NTNG1: variants seen among roughly 807,000 people sequenced by gnomAD.
The protein encoded by NTNG1 is netrin-G1.
Under a neutral mutation model 54.0 loss-of-function variants are expected in NTNG1, and 16 were observed. The observed-to-expected ratio is 0.30, with a 90% CI of 0.20 to 0.45. The LOEUF (loss-of-function observed/expected upper bound fraction) is 0.45. Among genes scored for constraint, NTNG1 ranks in the 20% least tolerant of loss-of-function variants. The pLI, the probability that NTNG1 is intolerant of heterozygous loss-of-function variation, is 1.00. For missense variants in NTNG1, 530 were observed against 678.7 expected, an observed-to-expected ratio of 0.78 and a Z score of 2.43; for synonymous variants, 255 against 263.1, an observed-to-expected ratio of 0.97 and a Z score of 0.30.
At position 107,484,834 on chromosome 1, in the gene NTNG1, A is replaced by C. The variant is rs1678934588; in HGVS notation, c.*3994A>C. On this transcript the variant is annotated 3_prime_UTR_variant, in exon 8 of 8. Transcript: ENST00000370068. Reference sequence around the variant, plus strand: ...ATTCTGAAATGGGATGCTCTGTACTATATGGGAAATGGGTTGTTGTACTTT... The same window carrying C: ...ATTCTGAAATGGGATGCTCTGTACTCTATGGGAAATGGGTTGTTGTACTTT... Among the ~76,000 whole-genome samples, 1 of 152,236 alleles carries C rather than the reference A, an allele frequency of 6.6e-6. No homozygotes were observed. Among genetic ancestry groups the C allele is most frequent in the African/African-American group, 2.4e-5 (1 of 41,458 alleles).
chr1:107,347,916 A>G (rs2101947880), intron 3 of NTNG1, among the ~76,000 whole-genome samples: 1 of 152,224 alleles, frequency 6.6e-6, no homozygotes, highest in East Asian at 1.9e-4. Flanking sequence ...AATTAGCCCC[A>G]TGATCCAATT....
At chr1:107,442,491 T>G (rs919887951) in intron 7 of NTNG1, among the ~76,000 whole-genome samples, 8 of 152,170 alleles carry the variant, frequency 5.3e-5, no homozygotes, top group African/African-American at 1.7e-4. Context: ...GAACATTATT[T>G]CAGTCCCTAC....
At chr1:107,460,299 G>A (rs78047373) in intron 7 of NTNG1, 5 of 489,362 alleles carry the variant, frequency 1.0e-5, no homozygotes, top group Admixed American at 8.5e-5. Context: ...GTCTTTAGTA[G>A]CCTCATTTAC....
At chr1:107,362,178 G>C (rs895710342) in intron 3 of NTNG1, among the ~76,000 whole-genome samples, 1 of 152,104 alleles carries the variant, frequency 6.6e-6, no homozygotes, top group South Asian at 2.1e-4. Flanking sequence ...CTCTCTCTCT[G>C]ATCAATTTTC....
In NTNG1 at chr1:107,430,880, T is replaced by G; in HGVS notation, c.1218T>G (p.Asn406Lys). ...CELCRLGYFR[N>K]ASAQLDDENV... is the part of the protein sequence containing the mutation. Reference sequence around the variant, plus strand: ...TATGCAGGCTGGGCTACTTCAGAAATGCTTCTGCACAACTGGACGATGAGA... The same window carrying G: ...TATGCAGGCTGGGCTACTTCAGAAAGGCTTCTGCACAACTGGACGATGAGA... The change falls in exon 6 of 8, where the codon AAT (asparagine) becomes AAG (lysine). Residue 406 changes from asparagine to lysine, a missense_variant. Physicochemically the swap from Asn to Lys is moderately conservative, Grantham distance 94. Transcript: ENST00000370068. 6.2e-7 allele frequency: 1 copy of G among 1,613,228 alleles called. No individual in the cohort carries two copies. The highest frequency in any genetic ancestry group is 8.5e-7 in the Non-Finnish European group (1 of 1,179,510).
chr1:107,231,457 A>G (rs1352208455), intron 2 of NTNG1, among the ~76,000 whole-genome samples: 1 of 152,178 alleles, frequency 6.6e-6, no homozygotes, highest in Admixed American at 6.5e-5. Flanking sequence ...ATACAATTCC[A>G]TGTGTCTTCT....
intron 2 of NTNG1, among the ~76,000 whole-genome samples, chr1:107,320,518 A>G (rs984126238): frequency 2.6e-5 from 4 of 152,020 alleles, no homozygotes; most frequent in Non-Finnish European, 5.9e-5. Flanking sequence ...AACAGGAATT[A>G]TTTTCATATT....
At chr1:107,149,431 T>C (rs1654392220) in intron 2 of NTNG1, among the ~76,000 whole-genome samples, 1 of 152,196 alleles carries the variant, frequency 6.6e-6, no homozygotes, top group Non-Finnish European at 1.5e-5. Flanking sequence ...ACTCCCCTTA[T>C]TGTCAAGGTC....
intron 7 of NTNG1, among the ~76,000 whole-genome samples, chr1:107,448,973 A>T (rs1263296406): frequency 6.6e-6 from 1 of 152,118 alleles, no homozygotes; most frequent in Non-Finnish European, 1.5e-5. Context: ...CAAAAGATAA[A>T]CTTCTATTGG....
intron 2 of NTNG1, among the ~76,000 whole-genome samples, chr1:107,206,112 T>A (rs1659169778): frequency 6.6e-6 from 1 of 152,116 alleles, no homozygotes; most frequent in South Asian, 2.1e-4. Flanking sequence ...TTCTATTAGG[T>A]GTATACCTTG....
intron 2 of NTNG1, among the ~76,000 whole-genome samples, chr1:107,319,406 T>C (rs1280715045): frequency 6.6e-6 from 1 of 152,126 alleles, no homozygotes; most frequent in African/African-American, 2.4e-5. Flanking sequence ...AAAGCATGGT[T>C]CTCATGGTTT....
chr1:107,460,257 G>A (rs564666275), intron 7 of NTNG1: 22 of 416,086 alleles, frequency 5.3e-5, no homozygotes, highest in South Asian at 2.2e-4. Flanking sequence ...GCACAGTGCC[G>A]AACTGACAGT....
intron 3 of NTNG1, among the ~76,000 whole-genome samples, chr1:107,350,956 C>A (rs1336300337): frequency 6.6e-6 from 1 of 152,084 alleles, no homozygotes; most frequent in East Asian, 1.9e-4. Context: ...TATTGTAGAC[C>A]TAAAATTTGC....
At chr1:107,221,067 T>G (rs1660309008) in intron 2 of NTNG1, among the ~76,000 whole-genome samples, 1 of 152,186 alleles carries the variant, frequency 6.6e-6, no homozygotes, top group South Asian at 2.1e-4. Context: ...GTACCTACAT[T>G]ATAGGGCTAT....
intron 2 of NTNG1, among the ~76,000 whole-genome samples, chr1:107,268,553 T>C (rs1352671970): frequency 2.6e-5 from 4 of 152,088 alleles, no homozygotes; most frequent in Admixed American, 2.6e-4. Flanking sequence ...AGGTACACTG[T>C]GTTTCCTCTT....
At chr1:107,205,687 C>A (rs1306589883) in intron 2 of NTNG1, among the ~76,000 whole-genome samples, 2 of 151,898 alleles carry the variant, frequency 1.3e-5, no homozygotes, top group Non-Finnish European at 2.9e-5. Flanking sequence ...CCTAAGTATA[C>A]AGAACAATGA....
intron 7 of NTNG1, among the ~76,000 whole-genome samples, chr1:107,472,576 C>A (rs1678052368): frequency 6.6e-6 from 1 of 152,116 alleles, no homozygotes; most frequent in South Asian, 2.1e-4. Flanking sequence ...ATAGTATGTC[C>A]AAGGCCTTGT....
At chr1:107,201,005 A>G (rs538625639) in intron 2 of NTNG1, among the ~76,000 whole-genome samples, 288 of 152,008 alleles carry the variant, frequency 1.9e-3, no homozygotes, top group African/African-American at 6.7e-3. Context: ...ATTCTAAGCA[A>G]CACAACGCAA....
chr1:107,141,642 C>T (rs768753731), intron 1 of NTNG1, among the ~76,000 whole-genome samples: 10 of 152,120 alleles, frequency 6.6e-5, no homozygotes, highest in Non-Finnish European at 1.5e-4. Flanking sequence ...GCGCGGAGCC[C>T]TACGCGCACA....
Sources: gnomAD v4.1 joint callset for allele counts (sites outside exome capture counted in the v4.1 genomes callset) on GRCh38, gnomAD v4.1.1 for gene constraint, MANE v1.5 for transcripts, NCBI Gene and HGNC (gene_info 2026-07-23, HGNC 2026-07-21) for gene names.